SCAPER: variants seen among roughly 807,000 people sequenced by gnomAD.
SCAPER encodes S-phase cyclin A associated protein in the ER.
A neutral mutation model predicts 182.2 loss-of-function variants in SCAPER; 98 were observed. The ratio of observed to expected loss-of-function variants is 0.54; its 90% confidence interval spans 0.46 to 0.64. SCAPER has a LOEUF of 0.64. Ranked by LOEUF, SCAPER falls within the 30% of genes least tolerant of loss-of-function variation. SCAPER has a pLI of 0.00. For missense variants in SCAPER, 1,432 were observed against 1,690.0 expected (o/e 0.85, Z 2.68); for synonymous variants, 605 against 564.6 (o/e 1.07, Z -1.01).
intron 23 of SCAPER, among the ~76,000 whole-genome samples, chr15:76,548,938 G>C (rs2144895773): frequency 6.6e-6 from 1 of 152,284 alleles, no homozygotes; most frequent in South Asian, 2.1e-4. Flanking sequence ...AGCCAAAATT[G>C]ACAAGTGGGA....
At chr15:76,559,201 A>ATTTTTTTTTTTTTTTTTTTTT (rs58642207) in intron 23 of SCAPER, among the ~76,000 whole-genome samples, 1 of 121,824 alleles carries the variant, frequency 8.2e-6, no homozygotes. Flanking sequence ...CACCCAGCTA[A>ATTTTTTTTTTTTTTTTTTTTT]TTTTTTTTTT....
chr15:76,733,289 C>G lies in SCAPER; in HGVS notation c.1962G>C (p.Glu654Asp), dbSNP rs746419007. 1 of 1,609,582 alleles carries G rather than the reference C, an allele frequency of 6.2e-7. No homozygotes were observed. Among genetic ancestry groups the G allele is most frequent in the African/African-American group, 1.3e-5 (1 of 74,854 alleles). ...GTCTTCTCTGACGCTCTTCCTGTAG[C>G]TCATTAAGCCTCTGTTCATATTCCT... ...KLKEYEQRLN[E>D]LQEERQRRQE... The change falls in exon 16 of 32, where the codon GAG becomes GAC. Residue 654 changes from glutamate (E) to aspartate (D), a missense_variant. Physicochemically the swap from Glu to Asp is conservative, Grantham distance 45. Around this residue, in one of 5 missense-constraint regions of SCAPER, gnomAD observed 88 missense variants for 184.2 expected, o/e 0.48. Coordinates refer to ENST00000563290, the MANE Select transcript of SCAPER (RefSeq NM_020843.4).
chr15:76,375,341 C>T (rs1322325002), intron 29 of SCAPER, among the ~76,000 whole-genome samples: 1 of 149,660 alleles, frequency 6.7e-6, no homozygotes, highest in East Asian at 2.0e-4. Flanking sequence ...AGCAAAACTA[C>T]TCTGAGTGAC....
At chr15:76,722,116 A>G (rs1054068761) in intron 17 of SCAPER, among the ~76,000 whole-genome samples, 18 of 152,164 alleles carry the variant, frequency 1.2e-4, no homozygotes, top group Admixed American at 1.1e-3. Context: ...TACCTAATTT[A>G]TTGAGAATTT....
chr15:76,357,802 T>A (rs2041103177), intron 29 of SCAPER, among the ~76,000 whole-genome samples: 1 of 152,210 alleles, frequency 6.6e-6, no homozygotes, highest in African/African-American at 2.4e-5. Context: ...TGCAGCAACA[T>A]GGATGGATCT....
intron 2 of SCAPER, among the ~76,000 whole-genome samples, chr15:76,874,424 G>C (rs550501682): frequency 4.0e-5 from 6 of 151,590 alleles, no homozygotes; most frequent in Non-Finnish European, 8.8e-5. Context: ...TCCCAAGAAA[G>C]GAAGTAATAA....
At chr15:76,619,412 G>C (rs1781593939) in intron 22 of SCAPER, among the ~76,000 whole-genome samples, 1 of 152,258 alleles carries the variant, frequency 6.6e-6, no homozygotes, top group African/African-American at 2.4e-5. Flanking sequence ...TCTTTATGTG[G>C]GCACATGCTT....
chr15:76,715,368 C>A (rs868559340), intron 17 of SCAPER, among the ~76,000 whole-genome samples: 2 of 151,986 alleles, frequency 1.3e-5, no homozygotes, highest in Admixed American at 6.6e-5. Flanking sequence ...TGGCAACTTG[C>A]CTTCCAGGGA....
At chr15:76,531,236 C>T (rs1470285820) in intron 23 of SCAPER, among the ~76,000 whole-genome samples, 2 of 152,126 alleles carry the variant, frequency 1.3e-5, no homozygotes, top group Non-Finnish European at 2.9e-5. Flanking sequence ...CTGCTACAAG[C>T]ATCTACTAAA....
intron 8 of SCAPER, among the ~76,000 whole-genome samples, chr15:76,794,109 T>C (rs1422671632): frequency 6.6e-6 from 1 of 152,200 alleles, no homozygotes; most frequent in African/African-American, 2.4e-5. Flanking sequence ...ACTCGCTGTG[T>C]ATAACACTGC....
chr15:76,857,711 T>C (rs2071522133), intron 4 of SCAPER, 98 bp downstream of exon 4: 4 of 803,272 alleles, frequency 5.0e-6, no homozygotes, highest in Non-Finnish European at 7.7e-6. Context: ...TTTAGATAAA[T>C]AATATTCAAA....
Position 76,701,665 on chromosome 15 carries a change from T to C in SCAPER, c.2508+93A>G, listed in dbSNP as rs559934254. On this transcript the variant is annotated intron_variant, in intron 20 of 31. Transcript: ENST00000563290. ...TGCTAAATATAGTTTTAAATAATCA[T>C]AGAAATAAATACAAACACGGAATTC... 11 of 946,456 alleles carry C rather than the reference T, an allele frequency of 1.2e-5. No homozygotes were observed. The East Asian group carries it at 2.4e-4, about 20-fold the overall frequency. 58.6% of individuals were successfully genotyped at this position (946,456 alleles called of 1,614,324 possible).
chr15:76,636,831 T>C (rs2053642410), intron 21 of SCAPER, among the ~76,000 whole-genome samples: 1 of 152,228 alleles, frequency 6.6e-6, no homozygotes. Context: ...CTCACAGTTT[T>C]TGCCAATTAA....
At chr15:76,614,085 T>C (rs186184443) in intron 22 of SCAPER, among the ~76,000 whole-genome samples, 10 of 152,200 alleles carry the variant, frequency 6.6e-5, no homozygotes, top group African/African-American at 2.2e-4. Context: ...AATGAGATCA[T>C]GTCCTGTGCA....
intron 17 of SCAPER, among the ~76,000 whole-genome samples, chr15:76,708,425 C>A (rs990750092): frequency 1.3e-5 from 2 of 150,552 alleles, no homozygotes; most frequent in African/African-American, 4.9e-5. Flanking sequence ...AAAAAGTATA[C>A]CTTTAAATAT....
intron 24 of SCAPER, among the ~76,000 whole-genome samples, chr15:76,500,885 C>CA (rs199875629): frequency 3.2e-4 from 48 of 149,552 alleles, no homozygotes; most frequent in South Asian, 8.5e-4. Flanking sequence ...ACTAAAAATA[C>CA]AAAAAAAAAG....
chr15:76,521,204 A>C (rs1277380557), intron 23 of SCAPER, among the ~76,000 whole-genome samples: 2 of 152,170 alleles, frequency 1.3e-5, no homozygotes, highest in Non-Finnish European at 2.9e-5. Flanking sequence ...TATGCCTTGG[A>C]ATATATTAGG....
intron 23 of SCAPER, among the ~76,000 whole-genome samples, chr15:76,523,882 C>A (rs1289675850): frequency 6.6e-6 from 1 of 152,024 alleles, no homozygotes; most frequent in Non-Finnish European, 1.5e-5. Flanking sequence ...TTGTGTGTAA[C>A]TTTGGTGACT....
intron 21 of SCAPER, among the ~76,000 whole-genome samples, chr15:76,627,186 ATTTTT>A (rs927167882): frequency 3.9e-5 from 6 of 152,058 alleles, no homozygotes; most frequent in Non-Finnish European, 8.8e-5. Context: ...GCTCCATTTT[ATTTTT>A]TATTAGCTGT....
Sources: gnomAD v4.1 joint callset for allele counts (sites outside exome capture counted in the v4.1 genomes callset) on GRCh38, gnomAD v4.1.1 for gene constraint, gnomAD v4.1.1 regional missense constraint, MANE v1.5 for transcripts, NCBI Gene and HGNC (gene_info 2026-07-23, HGNC 2026-07-21) for gene names.